Variants in SDK1 observed in about 807,000 individuals in gnomAD.
SDK1 encodes protein sidekick-1.
Under a neutral mutation model 245.5 loss-of-function variants are expected in SDK1, and 157 were observed. That is an observed-to-expected ratio of 0.64 (90% confidence interval 0.56 to 0.73). The LOEUF (loss-of-function observed/expected upper bound fraction) is 0.73. Ranked by LOEUF, SDK1 falls within the 30% of genes least tolerant of loss-of-function variation. SDK1 has a pLI of 0.00. For synonymous variants in SDK1, 1,647 were observed against 1,278.5 expected (o/e 1.29, Z -6.15); for missense variants, 3,583 against 3,002.3 (o/e 1.19, Z -4.52).
chr7:4,130,112 C>T lies in SDK1; in HGVS notation c.4129+15C>T, dbSNP rs1206827803. 2.6e-6 allele frequency: 4 copies of T among 1,564,534 alleles called. No individual in the cohort carries two copies. The highest frequency in any genetic ancestry group is 2.3e-5 in the East Asian group (1 of 43,178). ...CAAAGACGATGGTAGGTCCAGGGTT[C>T]GCGCCTTCGGGAGCCTTGCTGCCTC... On this transcript the variant is annotated intron_variant, in intron 27 of 44. Transcript: ENST00000404826.
intron 1 of SDK1, among the ~76,000 whole-genome samples, chr7:3,431,987 C>G (rs1424516255): frequency 6.6e-6 from 1 of 151,582 alleles, no homozygotes; most frequent in East Asian, 1.9e-4. Context: ...ATTATACATC[C>G]CAGTTTACAA....
chr7:3,560,580 C>T (rs1562563507), intron 1 of SDK1, among the ~76,000 whole-genome samples: 1 of 152,188 alleles, frequency 6.6e-6, no homozygotes, highest in African/African-American at 2.4e-5. Context: ...GGGTTTTTAG[C>T]TGGCCTGTGG....
chr7:3,432,286 G>T (rs1779876307), intron 1 of SDK1, among the ~76,000 whole-genome samples: 1 of 151,694 alleles, frequency 6.6e-6, no homozygotes, highest in African/African-American at 2.4e-5. Flanking sequence ...CATCAAATTG[G>T]TCGTGGCATT....
chr7:3,582,978 T>C (rs1780557990), intron 1 of SDK1, among the ~76,000 whole-genome samples: 1 of 152,164 alleles, frequency 6.6e-6, no homozygotes, highest in African/African-American at 2.4e-5. Context: ...CATCTAGAAC[T>C]CCGAAGTGTG....
In SDK1 at chr7:3,432,122, A is replaced by ATAT. The variant is rs72295300; in HGVS notation, c.298+130238_298+130239insTAT. On this transcript the variant is annotated intron_variant, in intron 1 of 44. Transcript: ENST00000404826. ...CTTTGCAGGCTGCAGTAAAAAAAAA[A>ATAT]AAATATATATATGTATTTTATATTT... is the stretch of plus-strand genomic sequence containing the variant. Among the ~76,000 whole-genome samples the ATAT allele has an allele frequency of 5.8e-3, 426 of 72,840 alleles. 3 individuals carry two copies. The highest frequency in any genetic ancestry group is 0.02 in the East Asian group (33 of 1,644). The allele number at this position is 72,840 out of a possible 152,430, so 47.8% of individuals were successfully genotyped here.
At chr7:3,942,141 C>A (rs1780393117) in intron 5 of SDK1, among the ~76,000 whole-genome samples, 1 of 152,144 alleles carries the variant, frequency 6.6e-6, no homozygotes, top group Non-Finnish European at 1.5e-5. Context: ...CTCCTGACCT[C>A]ATGATCCGCC....
intron 1 of SDK1, among the ~76,000 whole-genome samples, chr7:3,618,014 G>A (rs1275852656): frequency 2.0e-5 from 3 of 152,104 alleles, no homozygotes; most frequent in African/African-American, 7.2e-5. Flanking sequence ...GGATCTTGGG[G>A]ACTTTTGTAG....
At position 3,606,467 on chromosome 7, in the gene SDK1, A is replaced by T. The variant is rs182302152; in HGVS notation, c.299-12613A>T. On this transcript the variant is annotated intron_variant, in intron 1 of 44. Transcript: ENST00000404826. Reference sequence around the variant, plus strand: ...TCCCCATTGGCTTCCATTGTCCCTTATAAGTCCAGGGTCCCATAAGACTTC... The same window carrying T: ...TCCCCATTGGCTTCCATTGTCCCTTTTAAGTCCAGGGTCCCATAAGACTTC... Among the ~76,000 whole-genome samples, 9 of 152,252 alleles carry T rather than the reference A, an allele frequency of 5.9e-5. No homozygotes were observed. The East Asian group carries it at 1.4e-3, about 23-fold the overall frequency.
chr7:3,569,451 CT>C (rs1562569555), intron 1 of SDK1, among the ~76,000 whole-genome samples: 1 of 152,226 alleles, frequency 6.6e-6, no homozygotes, highest in Non-Finnish European at 1.5e-5. Flanking sequence ...GGATATTTCT[CT>C]TGAGAAGTCT....
At chr7:4,169,670 C>T (rs1038698935) in intron 32 of SDK1, among the ~76,000 whole-genome samples, 10 of 152,188 alleles carry the variant, frequency 6.6e-5, no homozygotes, top group Non-Finnish European at 2.9e-5. Flanking sequence ...CCCCAAGGGG[C>T]GGAGCTCAGT....
At chr7:3,465,972 T>G (rs958709695) in intron 1 of SDK1, among the ~76,000 whole-genome samples, 3 of 152,192 alleles carry the variant, frequency 2.0e-5, no homozygotes, top group African/African-American at 7.2e-5. Context: ...TTTTGTTTGT[T>G]TGTTTTTCTG....
intron 4 of SDK1, among the ~76,000 whole-genome samples, chr7:3,787,693 C>T (rs187799977): frequency 1.4e-4 from 22 of 152,152 alleles, no homozygotes; most frequent in Middle Eastern, 6.8e-3. Flanking sequence ...AAATACTGGC[C>T]AGGTCATCAG....
intron 44 of SDK1, among the ~76,000 whole-genome samples, chr7:4,250,747 C>G (rs1489083302): frequency 4.6e-5 from 7 of 152,188 alleles, no homozygotes; most frequent in African/African-American, 9.7e-5. Flanking sequence ...CTCCTAGTCC[C>G]CAACCCCACT....
At position 4,170,180 on chromosome 7, in the gene SDK1, C is replaced by T. The variant is rs372755461; in HGVS notation, c.4801-4042C>T. On this transcript the variant is annotated intron_variant, in intron 32 of 44. Coordinates refer to ENST00000404826, the MANE Select transcript of SDK1 (RefSeq NM_152744.4). The stretch of plus-strand genomic sequence containing the variant: ...TTTTAATTTCAGTCTCAGCTGTGGC[C>T]CATGAGATAACCAGGGCTAGAGTTT... 2.1e-3 allele frequency among the ~76,000 whole-genome samples: 315 copies of T among 152,230 alleles called. 12 individuals carry two copies. The South Asian group carries it at 0.061, about 30-fold the overall frequency.
intron 4 of SDK1, among the ~76,000 whole-genome samples, chr7:3,798,083 T>A (rs7804107): frequency 0.12 from 17,807 of 152,026 alleles, 1,804 homozygotes; most frequent in African/African-American, 0.28. Context: ...AGAGCCTTTT[T>A]CCCAGTTTTT....
At chr7:3,389,196 G>A (rs1781683729) in intron 1 of SDK1, among the ~76,000 whole-genome samples, 1 of 152,092 alleles carries the variant, frequency 6.6e-6, no homozygotes, top group African/African-American at 2.4e-5. Context: ...TGATGTCCAG[G>A]TTCTAATTCC....
rs577961643 is a variant in SDK1 at position 3,972,730 on chromosome 7, C to T, written c.1817+1162C>T. The stretch of plus-strand genomic sequence containing the variant: ...TGTGGGTGCACAGTCAGCAGCGGGA[C>T]GCGGAGACTCGGCTGTTCTCTCGCG... On this transcript the variant is annotated intron_variant, in intron 12 of 44. Coordinates refer to ENST00000404826, the MANE Select transcript of SDK1 (RefSeq NM_152744.4). 5.3e-5 allele frequency among the ~76,000 whole-genome samples: 8 copies of T among 152,298 alleles called. No homozygotes were observed. The East Asian group carries it at 5.8e-4, about 11-fold the overall frequency.
intron 1 of SDK1, among the ~76,000 whole-genome samples, chr7:3,510,791 C>G (rs1204913856): frequency 6.6e-6 from 1 of 152,204 alleles, no homozygotes; most frequent in Admixed American, 6.5e-5. Context: ...ACATCCAAGA[C>G]AGGCCTGGAT....
At chr7:3,786,947 A>G (rs946247981) in intron 4 of SDK1, among the ~76,000 whole-genome samples, 30 of 152,104 alleles carry the variant, frequency 2.0e-4, no homozygotes, top group Non-Finnish European at 3.7e-4. Context: ...TTCAGATATC[A>G]AAGCAAATAG....
Sources: allele counts gnomAD v4.1 joint callset (sites outside exome capture counted in the v4.1 genomes callset), GRCh38; gene constraint gnomAD v4.1.1; transcripts MANE v1.5; gene names NCBI Gene and HGNC (gene_info 2026-07-23, HGNC 2026-07-21).